Variants in DUSP29 observed in about 807,000 individuals in gnomAD.
The protein encoded by DUSP29 is dual specificity phosphatase 29.
Under a neutral mutation model 13.5 loss-of-function variants are expected in DUSP29, and 12 were observed. The ratio of observed to expected loss-of-function variants is 0.89; its 90% CI spans 0.57 to 1.44. The LOEUF (loss-of-function observed/expected upper bound fraction) is 1.44. Ranked by LOEUF, DUSP29 falls within the 40% of genes most tolerant of loss-of-function variation. The pLI is 0.00. For missense variants in DUSP29, 308 were observed against 301.1 expected (o/e 1.02, Z -0.17); for synonymous variants, 134 against 128.7 (o/e 1.04, Z -0.28).
At chr10:75,045,947 CAAGATATAAGGGAAAAAAATTAGCCGGG>C in intron 2 of DUSP29, among the ~76,000 whole-genome samples, 1 of 151,836 alleles carries the variant, frequency 6.6e-6, no homozygotes, top group African/African-American at 2.4e-5. Flanking sequence ...CCCATCTCTA[CAAGATATAAGGGAAAAAAATTAGCCGGG>C]CATGCTGGCA....
chr10:75,045,909 A>C (rs1410682852), intron 2 of DUSP29, among the ~76,000 whole-genome samples: 2 of 152,046 alleles, frequency 1.3e-5, no homozygotes, highest in East Asian at 1.9e-4. Flanking sequence ...CCAGGAGTTC[A>C]AGACCAGCCT....
chr10:75,060,715 T>A (rs1847070400), intron 1 of DUSP29, among the ~76,000 whole-genome samples: 1 of 152,172 alleles, frequency 6.6e-6, no homozygotes, highest in African/African-American at 2.4e-5. Flanking sequence ...AGACTGAGCA[T>A]AAACTGCCAG....
intron 2 of DUSP29, among the ~76,000 whole-genome samples, chr10:75,053,357 T>C (rs1194475130): frequency 6.6e-6 from 1 of 152,244 alleles, no homozygotes; most frequent in Non-Finnish European, 1.5e-5. Flanking sequence ...AAGTCGAGCC[T>C]AGATCCATGT....
At chr10:75,040,488 G>T (rs1846558793) in intron 3 of DUSP29, among the ~76,000 whole-genome samples, 1 of 152,186 alleles carries the variant, frequency 6.6e-6, no homozygotes, top group Admixed American at 6.5e-5. Context: ...ACCCAAGTGG[G>T]GTTCCTGTGA....
chr10:75,042,528 A>G (rs1218199459), intron 3 of DUSP29, among the ~76,000 whole-genome samples: 1 of 152,204 alleles, frequency 6.6e-6, no homozygotes, highest in Non-Finnish European at 1.5e-5. Context: ...TCATAAATAG[A>G]CTCATAAAAG....
In DUSP29 at chr10:75,052,300, C is replaced by CTTT. The variant is rs751523419; in HGVS notation, c.200+6012_200+6014dup. Among the ~76,000 whole-genome samples the CTTT allele has an allele frequency of 5.2e-3, 648 of 124,886 alleles. 4 individuals are homozygous for CTTT. Among genetic ancestry groups the CTTT allele is most frequent in the African/African-American group, 0.013 (407 of 32,042 alleles). 81.9% of individuals were successfully genotyped at this position (124,886 alleles called of 152,430 possible). ...TAACTATAATATTTGCATTTGTCTA[C>CTTT]TTTTTTTTTTTTTTTTTTTTTTCTT... On this transcript the variant is annotated intron_variant, in intron 2 of 3. Transcript: ENST00000338487.
At chr10:75,044,167 C>T in intron 2 of DUSP29, 150 bp from the exon 3 acceptor site, 1 of 779,554 alleles carries the variant, frequency 1.3e-6, no homozygotes, top group Non-Finnish European at 2.0e-6. Flanking sequence ...TGCTCTTACC[C>T]GGTCCCCTAG....
intron 2 of DUSP29, among the ~76,000 whole-genome samples, chr10:75,057,488 T>C (rs78956005): frequency 6.6e-6 from 1 of 152,242 alleles, no homozygotes; most frequent in Non-Finnish European, 1.5e-5. Context: ...GGGCCAGTTA[T>C]TTAACTGCTC....
In DUSP29 at chr10:75,067,535, G is replaced by A. The variant is rs116337939; in HGVS notation, c.-35+6034C>T. 3.5e-3 allele frequency among the ~76,000 whole-genome samples: 539 copies of A among 152,244 alleles called. 1 individual carries two copies. Among genetic ancestry groups the A allele is most frequent in the African/African-American group, 0.012 (517 of 41,552 alleles). On this transcript the variant is annotated intron_variant, in intron 1 of 3. Transcript: ENST00000338487. ...ACGAGAAGGAATGAGGAGTGGCATC[G>A]TTCCCTCCTTGACTTCCCCTCAGAA...
chr10:75,058,470 T>C lies in DUSP29; in HGVS notation c.45A>G (p.Ser15=), dbSNP rs747335354. ...TCTTCGGCGACAGCCTCTTGGCAGA[T>C]GAGTAGGCATTCTTGAGGCTTGTCT... ...EVKTSLKNAY[S]SAKRLSPKME... Residue 15 remains serine (S), a synonymous_variant, in exon 2 of 4, where the codon TCA becomes TCG. Transcript: ENST00000338487. The C allele has an allele frequency of 1.2e-6, 2 of 1,614,096 alleles. No individual in the cohort carries two copies. The highest frequency in any genetic ancestry group is 2.7e-5 in the African/African-American group (2 of 74,932).
intron 2 of DUSP29, among the ~76,000 whole-genome samples, chr10:75,052,745 C>A (rs563836328): frequency 6.6e-6 from 1 of 152,214 alleles, no homozygotes; most frequent in African/African-American, 2.4e-5. Flanking sequence ...AGCCACCACG[C>A]CTGGCCAACT....
At chr10:75,040,331 C>CCATG (rs1846555740) in intron 3 of DUSP29, among the ~76,000 whole-genome samples, 1 of 152,194 alleles carries the variant, frequency 6.6e-6, no homozygotes, top group Non-Finnish European at 1.5e-5. Context: ...CAGAAGCAGG[C>CCATG]CATGGACTGC....
At chr10:75,066,850 G>T (rs865822254) in intron 1 of DUSP29, among the ~76,000 whole-genome samples, 1 of 152,210 alleles carries the variant, frequency 6.6e-6, no homozygotes. Context: ...GGCCTCCGTG[G>T]TGTCAGAAGG....
chr10:75,052,598 C>T (rs572738846), intron 2 of DUSP29, among the ~76,000 whole-genome samples: 2 of 152,308 alleles, frequency 1.3e-5, no homozygotes, highest in African/African-American at 2.4e-5. Flanking sequence ...TGAGCCAACG[C>T]GCCCGGCCAT....
In DUSP29 at chr10:75,037,741, G is replaced by A. The variant is rs760970979; in HGVS notation, c.*95C>T. On this transcript the variant is annotated 3_prime_UTR_variant, in exon 4 of 4. Coordinates refer to ENST00000338487, the MANE Select transcript of DUSP29 (RefSeq NM_001003892.3). ...AGATGGTTTGGAAGAGTCGAGCTTC[G>A]GTTTCACCATCCCTTCTCTGGAGTC... 26 of 1,500,970 alleles carry A rather than the reference G, an allele frequency of 1.7e-5. No individual in the cohort carries two copies. Among genetic ancestry groups the A allele is most frequent in the Non-Finnish European group, 1.9e-5 (22 of 1,128,798 alleles). The allele number at this position is 1,500,970 out of a possible 1,614,324, so 93.0% of individuals were successfully genotyped here. A position where few individuals can be genotyped will look rare whatever the true frequency, so the allele number is the denominator to read the frequency against.
intron 1 of DUSP29, among the ~76,000 whole-genome samples, chr10:75,072,142 A>G (rs577624375): frequency 3.7e-4 from 57 of 152,306 alleles, no homozygotes; most frequent in Admixed American, 3.7e-3. Flanking sequence ...TTCTTCCCCT[A>G]CACCAAGGCA....
chr10:75,043,694 G>C (rs1846633805), intron 3 of DUSP29, 103 bp downstream of exon 3: 1 of 1,108,046 alleles, frequency 9.0e-7, no homozygotes, highest in Non-Finnish European at 1.3e-6. Flanking sequence ...GCTAGGGGCG[G>C]AGCCTTAGTG....
rs566994856 is a variant in DUSP29 at position 75,073,195 on chromosome 10, C to A, written c.-35+374G>T. On this transcript the variant is annotated intron_variant, in intron 1 of 3. Coordinates refer to ENST00000338487, the MANE Select transcript of DUSP29 (RefSeq NM_001003892.3). ...CAGGATCCGAGTCACTCCAGGGCCT[C>A]TCTCTCTCTCGCCCCCGAGATTTCT... Among the ~76,000 whole-genome samples the A allele has an allele frequency of 2.0e-5, 3 of 151,532 alleles. No individual in the cohort carries two copies. The East Asian group carries it at 5.8e-4, about 29-fold the overall frequency.
At chr10:75,043,673 G>C (rs1846632991) in intron 3 of DUSP29, 124 bp downstream of exon 3, 1 of 948,532 alleles carries the variant, frequency 1.1e-6, no homozygotes, top group African/African-American at 1.7e-5. Context: ...TGGGCTAAGG[G>C]CGGAGCCTAG....
Sources: allele counts gnomAD v4.1 joint callset (sites outside exome capture counted in the v4.1 genomes callset), GRCh38; gene constraint gnomAD v4.1.1; transcripts MANE v1.5; gene names NCBI Gene and HGNC (gene_info 2026-07-23, HGNC 2026-07-21).